PPP2R5E: variants seen among roughly 807,000 people sequenced by gnomAD.
The protein encoded by PPP2R5E is serine/threonine-protein phosphatase 2A 56 kDa regulatory subunit epsilon isoform.
A neutral mutation model predicts 65.3 loss-of-function variants in PPP2R5E; 4 were observed. The observed-to-expected ratio is 0.06, with a 90% CI of 0.03 to 0.14. PPP2R5E has a LOEUF of 0.14. Ranked by LOEUF, PPP2R5E falls within the 10% of genes least tolerant of loss-of-function variation. The pLI is 1.00. For missense variants in PPP2R5E, 274 were observed against 556.1 expected, an observed-to-expected ratio of 0.49 and a Z score of 5.10; for synonymous variants, 183 against 187.4, an observed-to-expected ratio of 0.98 and a Z score of 0.19.
At chr14:63,403,650 A>T (rs1293930462) in intron 5 of PPP2R5E, among the ~76,000 whole-genome samples, 1 of 151,976 alleles carries the variant, frequency 6.6e-6, no homozygotes, top group Non-Finnish European at 1.5e-5. Flanking sequence ...AAAAAAAAAA[A>T]AAGTAACTGA....
rs200623049 is a variant in PPP2R5E, at chr14:63,537,118, CT to C, written c.157+2410del. ...TGTGTCCAAATTCTTCTCATGCATG[CT>C]TCTTTCACTACCCACAAAACCAATA... On this transcript the variant is annotated intron_variant, in intron 2 of 13. Coordinates refer to ENST00000337537, the MANE Select transcript of PPP2R5E (RefSeq NM_006246.5). 4.3e-3 allele frequency among the ~76,000 whole-genome samples: 658 copies of C among 152,224 alleles called. 6 individuals carry two copies. Among genetic ancestry groups the C allele is most frequent in the African/African-American group, 0.015 (636 of 41,528 alleles).
intron 1 of PPP2R5E, among the ~76,000 whole-genome samples, chr14:63,540,801 T>C (rs191419823): frequency 6.6e-6 from 1 of 151,980 alleles, no homozygotes; most frequent in Non-Finnish European, 1.5e-5. Context: ...GTGAAAATAA[T>C]TTAAGTATCA....
chr14:63,410,504 G>A (rs1318916254), intron 5 of PPP2R5E, among the ~76,000 whole-genome samples: 2 of 152,112 alleles, frequency 1.3e-5, no homozygotes, highest in African/African-American at 4.8e-5. Flanking sequence ...GGATAATGGG[G>A]TAAAATATCA....
chr14:63,525,709 A>G (rs1254358841), intron 2 of PPP2R5E, among the ~76,000 whole-genome samples: 1 of 152,238 alleles, frequency 6.6e-6, no homozygotes, highest in Non-Finnish European at 1.5e-5. Context: ...TGACCACAAG[A>G]TAAGAGCCAT....
At chr14:63,411,576 G>A (rs1331137435) in intron 5 of PPP2R5E, among the ~76,000 whole-genome samples, 1 of 149,974 alleles carries the variant, frequency 6.7e-6, no homozygotes, top group Non-Finnish European at 1.5e-5. Context: ...TATGGAGGTG[G>A]GTCCCTCATG....
At chr14:63,412,905 G>A (rs1284441982) in intron 5 of PPP2R5E, among the ~76,000 whole-genome samples, 1 of 152,158 alleles carries the variant, frequency 6.6e-6, no homozygotes, top group Non-Finnish European at 1.5e-5. Context: ...GAACACAAAA[G>A]CTGTGTTCTA....
intron 1 of PPP2R5E, among the ~76,000 whole-genome samples, chr14:63,540,930 C>A (rs1594988047): frequency 6.6e-6 from 1 of 152,204 alleles, no homozygotes; most frequent in Admixed American, 6.5e-5. Context: ...AAGCTCTTCA[C>A]ATCTTCAAGT....
intron 2 of PPP2R5E, among the ~76,000 whole-genome samples, chr14:63,523,743 T>TAA (rs201593214): frequency 1.7e-3 from 218 of 128,392 alleles, no homozygotes; most frequent in East Asian, 6.4e-3. Context: ...GGTTACACGC[T>TAA]AAAAAAAAAA....
chr14:63,470,405 C>CT (rs2139554584), intron 2 of PPP2R5E, among the ~76,000 whole-genome samples: 1 of 151,446 alleles, frequency 6.6e-6, no homozygotes, highest in East Asian at 1.9e-4. Context: ...CAGTTCCAAC[C>CT]CCAAGGCACA....
chr14:63,466,844 C>G (rs1206351517), intron 2 of PPP2R5E, among the ~76,000 whole-genome samples: 1 of 152,082 alleles, frequency 6.6e-6, no homozygotes, highest in African/African-American at 2.4e-5. Flanking sequence ...ACTCCAAAAT[C>G]AAAACTTGGA....
intron 5 of PPP2R5E, among the ~76,000 whole-genome samples, chr14:63,413,888 C>T (rs888997075): frequency 2.6e-5 from 4 of 152,180 alleles, no homozygotes; most frequent in African/African-American, 9.7e-5. Flanking sequence ...CCAAAGTACT[C>T]TAAATGTGAA....
At chr14:63,394,063 G>C (rs1885186585) in intron 7 of PPP2R5E, 135 bp from the exon 8 acceptor site, 8 of 236,848 alleles carry the variant, frequency 3.4e-5, no homozygotes, top group East Asian at 6.4e-5. Flanking sequence ...GTGGCATTCA[G>C]AATTTCCTTT....
intron 2 of PPP2R5E, among the ~76,000 whole-genome samples, chr14:63,518,490 C>T (rs1251823054): frequency 3.3e-5 from 5 of 152,124 alleles, no homozygotes; most frequent in African/African-American, 1.2e-4. Flanking sequence ...GAGATCCTCC[C>T]GTCTCAGCCT....
chr14:63,431,150 C>A (rs1162901446), intron 3 of PPP2R5E, among the ~76,000 whole-genome samples: 1 of 152,082 alleles, frequency 6.6e-6, no homozygotes, highest in Non-Finnish European at 1.5e-5. Flanking sequence ...TGCCTGTAGT[C>A]CCAGCTACTC....
At chr14:63,528,062 T>C (rs368034301) in intron 2 of PPP2R5E, among the ~76,000 whole-genome samples, 4 of 151,200 alleles carry the variant, frequency 2.6e-5, no homozygotes, top group Admixed American at 6.6e-5. Flanking sequence ...AGATTCCATA[T>C]AAGTTTTCAA....
At chr14:63,526,353 C>A (rs1424958471) in intron 2 of PPP2R5E, among the ~76,000 whole-genome samples, 6 of 152,122 alleles carry the variant, frequency 3.9e-5, no homozygotes, top group African/African-American at 1.4e-4. Context: ...TTTTCAATAT[C>A]ATCCTTTTTA....
intron 3 of PPP2R5E, among the ~76,000 whole-genome samples, chr14:63,440,191 G>A (rs1888150160): frequency 6.6e-6 from 1 of 152,162 alleles, no homozygotes; most frequent in South Asian, 2.1e-4. Context: ...TATCTGGGTG[G>A]AAGAGAGAGA....
chr14:63,453,947 T>G, intron 2 of PPP2R5E, 62 bp from the exon 3 acceptor site: 2 of 1,285,172 alleles, frequency 1.6e-6, no homozygotes, highest in Non-Finnish European at 1.0e-6. Flanking sequence ...AGGAATTCTC[T>G]GTGAAAGTTA....
chr14:63,522,298 C>T (rs1411133845), intron 2 of PPP2R5E, among the ~76,000 whole-genome samples: 1 of 151,780 alleles, frequency 6.6e-6, no homozygotes, highest in Non-Finnish European at 1.5e-5. Flanking sequence ...TCGCTACAAC[C>T]TCCACCTCCC....
Sources: gnomAD v4.1 joint callset for allele counts (sites outside exome capture counted in the v4.1 genomes callset) on GRCh38, gnomAD v4.1.1 for gene constraint, MANE v1.5 for transcripts, NCBI Gene and HGNC (gene_info 2026-07-23, HGNC 2026-07-21) for gene names.